The following NEGR1 variants were observed in gnomAD, a reference collection of about 807,000 sequenced individuals.
NEGR1 encodes the protein IgLON family member 4.
NEGR1 carries 10 observed loss-of-function variants against 40.9 expected under a neutral mutation model. The ratio of observed to expected loss-of-function variants is 0.24; its 90% CI spans 0.15 to 0.42. The LOEUF (loss-of-function observed/expected upper bound fraction) is 0.42, where lower values mean the gene tolerates loss of function less well. NEGR1 is among the 10% of genes least tolerant of loss of function. NEGR1 has a pLI of 1.00. For missense variants in NEGR1, 352 were observed against 438.9 expected, an observed-to-expected ratio of 0.80 and a Z score of 1.77; for synonymous variants, 185 against 166.8, an observed-to-expected ratio of 1.11 and a Z score of -0.84.
At chr1:72,002,669 A>G (rs1646567957) in intron 1 of NEGR1, among the ~76,000 whole-genome samples, 1 of 152,176 alleles carries the variant, frequency 6.6e-6, no homozygotes, top group Non-Finnish European at 1.5e-5. Context: ...ACCATATAAC[A>G]TGAGGAAACT....
intron 2 of NEGR1, among the ~76,000 whole-genome samples, chr1:71,844,680 C>G: frequency 6.6e-6 from 1 of 152,184 alleles, no homozygotes; most frequent in East Asian, 1.9e-4. Context: ...AATCAGGATA[C>G]TACGCCTCAG....
intron 1 of NEGR1, among the ~76,000 whole-genome samples, chr1:72,174,078 C>T (rs1286243221): frequency 6.6e-6 from 1 of 151,956 alleles, no homozygotes; most frequent in Admixed American, 6.6e-5. Flanking sequence ...ACATCCCAAT[C>T]GTTTGTTTTT....
At chr1:71,604,552 C>A (rs1650022869) in intron 5 of NEGR1, among the ~76,000 whole-genome samples, 1 of 152,042 alleles carries the variant, frequency 6.6e-6, no homozygotes, top group Non-Finnish European at 1.5e-5. Context: ...GGTCATTACT[C>A]TTTATTATGA....
intron 1 of NEGR1, among the ~76,000 whole-genome samples, chr1:72,021,728 A>C (rs774975900): frequency 2.5e-4 from 38 of 152,214 alleles, no homozygotes; most frequent in Non-Finnish European, 4.6e-4. Flanking sequence ...GTAACTATTA[A>C]ATAAATAATT....
In NEGR1 at chr1:72,085,711, T is replaced by C. The variant is rs1648192829; in HGVS notation, c.177-150400A>G. Among the ~76,000 whole-genome samples the C allele has an allele frequency of 2.0e-5, 3 of 152,144 alleles. 1 individual carries two copies. In the South Asian group the frequency reaches 6.2e-4, roughly 32 times the overall value. On this transcript the variant is annotated intron_variant, in intron 1 of 6. Transcript: ENST00000357731. Reference sequence around the variant, plus strand: ...CCGGCCAGGCGCAGTGGCTCATGCCTGTAATCCCAGCACTTTGGGAGGCTG... The same window carrying C: ...CCGGCCAGGCGCAGTGGCTCATGCCCGTAATCCCAGCACTTTGGGAGGCTG...
chr1:72,133,403 T>C (rs1186561578), intron 1 of NEGR1, among the ~76,000 whole-genome samples: 1 of 152,068 alleles, frequency 6.6e-6, no homozygotes, highest in African/African-American at 2.4e-5. Context: ...GAAATTCTCT[T>C]TTATGAAGGT....
At chr1:71,489,325 C>T (rs1646909617) in intron 6 of NEGR1, among the ~76,000 whole-genome samples, 1 of 151,762 alleles carries the variant, frequency 6.6e-6, no homozygotes, top group South Asian at 2.1e-4. Flanking sequence ...GCTGAGATTC[C>T]AGTTTTCTAA....
intron 1 of NEGR1, among the ~76,000 whole-genome samples, chr1:72,263,409 G>A (rs756841887): frequency 4.6e-5 from 7 of 151,476 alleles, no homozygotes; most frequent in Non-Finnish European, 1.0e-4. Flanking sequence ...TTAACATCAT[G>A]TAGATGGATA....
At chr1:71,808,935 A>G (rs1318478098) in intron 2 of NEGR1, among the ~76,000 whole-genome samples, 2 of 152,196 alleles carry the variant, frequency 1.3e-5, no homozygotes, top group Non-Finnish European at 2.9e-5. Flanking sequence ...ATGCCAATTC[A>G]TCACTGGCTA....
intron 4 of NEGR1, among the ~76,000 whole-genome samples, chr1:71,674,682 T>C (rs1164171089): frequency 3.3e-5 from 5 of 152,040 alleles, no homozygotes; most frequent in Middle Eastern, 6.8e-3. Context: ...GCTTTTTCAA[T>C]GAGTTAAGAG....
intron 1 of NEGR1, among the ~76,000 whole-genome samples, chr1:72,095,344 T>G (rs574047490): frequency 6.6e-6 from 1 of 152,230 alleles, no homozygotes; most frequent in Non-Finnish European, 1.5e-5. Flanking sequence ...TTTCCTTACT[T>G]TATCAATAAT....
In NEGR1 at chr1:71,991,701, A is replaced by T. The variant is rs187163109; in HGVS notation, c.177-56390T>A. Among the ~76,000 whole-genome samples the T allele has an allele frequency of 3.3e-5, 5 of 152,332 alleles. No individual in the cohort carries two copies. The East Asian group carries it at 9.7e-4, about 29-fold the overall frequency. Reference sequence around the variant, plus strand: ...GCAAATTAATTGAGATCAACAAACAAGTATTACCCAGCTTTACAGCCCCAA... The same window carrying T: ...GCAAATTAATTGAGATCAACAAACATGTATTACCCAGCTTTACAGCCCCAA... On this transcript the variant is annotated intron_variant, in intron 1 of 6. Coordinates refer to ENST00000357731, the MANE Select transcript of NEGR1 (RefSeq NM_173808.3).
chr1:71,938,752 T>C (rs540257009), intron 1 of NEGR1, among the ~76,000 whole-genome samples: 13 of 152,216 alleles, frequency 8.5e-5, no homozygotes, highest in African/African-American at 3.1e-4. Flanking sequence ...ATTTATAATT[T>C]AGCAAGGATG....
In NEGR1 at chr1:71,935,098, C is replaced by G; in HGVS notation, c.390G>C (p.Gln130His). Residue 130 changes from glutamine to histidine, a missense_variant, in exon 2 of 7, where the codon CAG becomes CAC. This residue lies in a region of NEGR1 where 50 missense variants were observed against 53.0 expected (regional missense o/e 0.94). Transcript: ENST00000357731. ...ACATACCTTGCACAGTTAGATGCAC[C>G]TGCATTGTTCTGGGTGTATGTTGAG... ...VQTQHTPRTM[Q>H]VHLTVQVPPK... The G allele has an allele frequency of 1.2e-6, 2 of 1,607,830 alleles. No individual in the cohort carries two copies. Among genetic ancestry groups the G allele is most frequent in the Non-Finnish European group, 1.7e-6 (2 of 1,174,408 alleles).
chr1:72,036,305 T>G (rs149451551), intron 1 of NEGR1, among the ~76,000 whole-genome samples: 5 of 152,066 alleles, frequency 3.3e-5, no homozygotes, highest in African/African-American at 1.2e-4. Flanking sequence ...TTTACATGTG[T>G]GTAAAGCCCT....
At chr1:71,928,378 G>GTA (rs749086506) in intron 2 of NEGR1, among the ~76,000 whole-genome samples, 2 of 124,556 alleles carry the variant, frequency 1.6e-5, no homozygotes, top group Admixed American at 1.6e-4. Context: ...ATGTATATAT[G>GTA]TATATATACA....
At chr1:71,880,475 TG>T (rs1158232326) in intron 2 of NEGR1, among the ~76,000 whole-genome samples, 1 of 152,070 alleles carries the variant, frequency 6.6e-6, no homozygotes, top group Non-Finnish European at 1.5e-5. Context: ...AGATTCTTTG[TG>T]GATTTTTAAT....
intron 1 of NEGR1, among the ~76,000 whole-genome samples, chr1:72,280,596 T>A (rs1328865292): frequency 6.6e-6 from 1 of 152,070 alleles, no homozygotes; most frequent in Non-Finnish European, 1.5e-5. Flanking sequence ...AATGAAAAGT[T>A]TTTTTTTACT....
At chr1:71,925,132 T>C (rs1318760906) in intron 2 of NEGR1, among the ~76,000 whole-genome samples, 1 of 152,182 alleles carries the variant, frequency 6.6e-6, no homozygotes, top group Admixed American at 6.5e-5. Context: ...GAAGTTGACT[T>C]GAGATCTTTC....
Sources: gnomAD v4.1 joint callset for allele counts (sites outside exome capture counted in the v4.1 genomes callset) on GRCh38, gnomAD v4.1.1 for gene constraint, gnomAD v4.1.1 regional missense constraint, MANE v1.5 for transcripts, NCBI Gene and HGNC (gene_info 2026-07-23, HGNC 2026-07-21) for gene names.